TMEM79: variants seen among roughly 807,000 people sequenced by gnomAD.
TMEM79 encodes transmembrane protein 79, also known as mattrin.
Under a neutral mutation model 31.2 loss-of-function variants are expected in TMEM79, and 30 were observed. The ratio of observed to expected loss-of-function variants is 0.96; its 90% CI spans 0.72 to 1.30. The LOEUF (loss-of-function observed/expected upper bound fraction) is 1.30. Among genes scored for constraint, TMEM79 ranks in the 50% most tolerant of loss-of-function variants. The pLI, the probability that TMEM79 is intolerant of heterozygous loss-of-function variation, is 0.00. For missense variants in TMEM79, 509 were observed against 528.2 expected, an observed-to-expected ratio of 0.96 and a Z score of 0.36; for synonymous variants, 213 against 229.5, an observed-to-expected ratio of 0.93 and a Z score of 0.65.
At position 156,285,109 on chromosome 1, in the gene TMEM79, G is replaced by A. The variant is rs956441282; in HGVS notation, c.-43-75G>A. The A allele has an allele frequency of 7.5e-6, 10 of 1,330,060 alleles. No homozygotes were observed. The Admixed American group carries it at 2.0e-4, about 27-fold the overall frequency. The allele number at this position is 1,330,060 out of a possible 1,614,324, so 82.4% of individuals were successfully genotyped here. Reference sequence around the variant, plus strand: ...CCCATGAAGCCAGTTGCCCTGGAGAGTATGAGTTCTGTCAACCTGTCCTAA... The same window carrying A: ...CCCATGAAGCCAGTTGCCCTGGAGAATATGAGTTCTGTCAACCTGTCCTAA... On this transcript the variant is annotated intron_variant, in intron 1 of 3. Transcript: ENST00000405535.
chr1:156,288,226 G>A (rs1663222806), intron 3 of TMEM79, among the ~76,000 whole-genome samples: 1 of 151,080 alleles, frequency 6.6e-6, no homozygotes, highest in African/African-American at 2.4e-5. Flanking sequence ...ATCCTTAGGG[G>A]TATTTTCACA....
intron 1 of TMEM79, 70 bp from the exon 2 acceptor site, chr1:156,285,114 A>G: frequency 7.4e-7 from 1 of 1,360,508 alleles, no homozygotes; most frequent in Non-Finnish European, 9.8e-7. Context: ...GGAGAGTATG[A>G]GTTCTGTCAA....
At chr1:156,287,767 C>T (rs892705601) in intron 3 of TMEM79, among the ~76,000 whole-genome samples, 4 of 152,024 alleles carry the variant, frequency 2.6e-5, no homozygotes, top group African/African-American at 9.7e-5. Context: ...CAGGCGCCCA[C>T]CACCAGGCCC....
Position 156,288,508 on chromosome 1 carries a change from T to A in TMEM79, c.971+2035T>A, listed in dbSNP as rs188342011. On this transcript the variant is annotated intron_variant, in intron 3 of 3. Coordinates refer to ENST00000405535, the MANE Select transcript of TMEM79 (RefSeq NM_032323.3). ...AGCCACCATGCCCAGCTAATTTTTT[T>A]TGTATTTTTAGTAGAGACAGGGTTT... Among the ~76,000 whole-genome samples the A allele has an allele frequency of 1.0e-3, 158 of 152,132 alleles. 1 individual carries two copies. The highest frequency in any genetic ancestry group is 3.7e-3 in the African/African-American group (155 of 41,498).
chr1:156,291,010 C>G lies in TMEM79; in HGVS notation c.972-375C>G, dbSNP rs955118111. On this transcript the variant is annotated intron_variant, in intron 3 of 3. Transcript: ENST00000405535. ...GTTTGTACAGCCAGGTGTGGTGGCC[C>G]GCATCTGTAATCCCAGCTACTCAGG... 4 of 227,400 alleles carry G rather than the reference C, an allele frequency of 1.8e-5. No homozygotes were observed. The East Asian group carries it at 4.0e-4, about 23-fold the overall frequency. 14.1% of individuals were successfully genotyped at this position (227,400 alleles called of 1,614,324 possible). A position where few individuals can be genotyped will look rare whatever the true frequency, so the allele number is the denominator to read the frequency against.
chr1:156,288,340 C>CTTT (rs964633218), intron 3 of TMEM79, among the ~76,000 whole-genome samples: 1 of 133,150 alleles, frequency 7.5e-6, no homozygotes. Flanking sequence ...CTTTTTTTTT[C>CTTT]TTTTTTTTTT....
At chr1:156,287,606 CTTTTTTTTTTT>C (rs745468403) in intron 3 of TMEM79, among the ~76,000 whole-genome samples, 18 of 72,640 alleles carry the variant, frequency 2.5e-4, no homozygotes, top group South Asian at 6.3e-4. Context: ...TTACTCTCCA[CTTTTTTTTTTT>C]TTTTTTTTTT....
At chr1:156,283,742 G>C (rs1171618305), upstream of TMEM79, among the ~76,000 whole-genome samples, 1 of 152,162 alleles carries the variant, frequency 6.6e-6, no homozygotes, top group Non-Finnish European at 1.5e-5. Flanking sequence ...TCCTGAAACA[G>C]CCTAAGTCTT....
chr1:156,283,300 CA>C (rs1471079057), upstream of TMEM79, among the ~76,000 whole-genome samples: 3 of 152,222 alleles, frequency 2.0e-5, no homozygotes, highest in Admixed American at 2.0e-4. Flanking sequence ...ATGACTTGTA[CA>C]AGCGTCTCGG....
chr1:156,283,300 C>T (rs1663053051), upstream of TMEM79, among the ~76,000 whole-genome samples: 1 of 152,222 alleles, frequency 6.6e-6, no homozygotes, highest in Admixed American at 6.5e-5. Flanking sequence ...ATGACTTGTA[C>T]AAGCGTCTCG....
At chr1:156,288,192 C>T (rs1304692601) in intron 3 of TMEM79, among the ~76,000 whole-genome samples, 9 of 140,940 alleles carry the variant, frequency 6.4e-5, no homozygotes, top group Non-Finnish European at 1.2e-4. Flanking sequence ...AGTGAGACTC[C>T]GTCTCAAAAA....
rs1353921363 is a variant in TMEM79 at position 156,285,533 on chromosome 1, G to C, written c.307G>C (p.Glu103Gln). Residue 103 changes from glutamate (E) to glutamine (Q), a missense_variant, in exon 2 of 4, where the codon GAG (glutamate) becomes CAG (glutamine). Coordinates refer to ENST00000405535, the MANE Select transcript of TMEM79 (RefSeq NM_032323.3). ...GCGGGACATTGAACCAGAGCCCCCT[G>C]AGTCAGAACCACTTACCAAGCTAGA... ...GWRDIEPEPP[E>Q]SEPLTKLEEL... The C allele has an allele frequency of 6.2e-6, 10 of 1,614,078 alleles. No individual in the cohort carries two copies. The Admixed American group carries it at 1.7e-4, about 27-fold the overall frequency.
In TMEM79 at chr1:156,291,635, G is replaced by T. The variant is rs1160644379; in HGVS notation, c.*37G>T. ...CTCGCCCTCGGAGTAGGGGGTAGCGGCTTGGGTCTGACACATCTTTGAACC... is the reference window on the plus strand; with the variant it reads ...CTCGCCCTCGGAGTAGGGGGTAGCGTCTTGGGTCTGACACATCTTTGAACC... On this transcript the variant is annotated 3_prime_UTR_variant, in exon 4 of 4. Coordinates refer to ENST00000405535, the MANE Select transcript of TMEM79 (RefSeq NM_032323.3). The T allele has an allele frequency of 1.9e-6, 3 of 1,592,406 alleles. No homozygotes were observed. The highest frequency in any genetic ancestry group is 2.7e-5 in the African/African-American group (2 of 74,618).
intron 3 of TMEM79, 81 bp from the exon 4 acceptor site, chr1:156,291,304 A>G: frequency 7.6e-7 from 1 of 1,322,896 alleles, no homozygotes; most frequent in Non-Finnish European, 1.1e-6. Context: ...TCCCCTATCT[A>G]CTCCCCCCAC....
chr1:156,290,620 C>T (rs1307880052), intron 3 of TMEM79: 1 of 151,528 alleles, frequency 6.6e-6, no homozygotes, highest in Non-Finnish European at 1.5e-5. Context: ...GGCGGATCAT[C>T]AGGTCAGGAG....
At chr1:156,284,206 CT>C (rs1663079800), upstream of TMEM79, 2 of 152,018 alleles carry the variant, frequency 1.3e-5, no homozygotes, top group Non-Finnish European at 1.5e-5. Flanking sequence ...TCCTCTGATG[CT>C]TTTTTTTGTC....
chr1:156,285,992 G>A lies in TMEM79; in HGVS notation c.757+9G>A. On this transcript the variant is annotated intron_variant, in intron 2 of 3. Transcript: ENST00000405535. The stretch of plus-strand genomic sequence containing the variant: ...CTTCCCCATTGTGCTGGGTGAGCCT[G>A]TGAGAAGAAAGGGGGCATCGGGAAG... 1 of 1,592,636 alleles carries A rather than the reference G, an allele frequency of 6.3e-7. No individual in the cohort carries two copies. The highest frequency in any genetic ancestry group is 8.6e-7 in the Non-Finnish European group (1 of 1,169,260).
At chr1:156,286,221 GC>G (rs747173885) in intron 2 of TMEM79, 38 bp from the exon 3 acceptor site, 11 of 1,593,700 alleles carry the variant, frequency 6.9e-6, no homozygotes, top group Non-Finnish European at 9.5e-6. Flanking sequence ...CCCTTCCCCT[GC>G]CTTTTCTGAC....
chr1:156,286,024 T>TGA (rs1336736380), intron 2 of TMEM79, 41 bp downstream of exon 2: 2 of 1,571,778 alleles, frequency 1.3e-6, no homozygotes, highest in African/African-American at 2.7e-5. Flanking sequence ...GAAGTGGACT[T>TGA]GAGGAGGGCA....
Sources: allele counts gnomAD v4.1 joint callset (sites outside exome capture counted in the v4.1 genomes callset), GRCh38; gene constraint gnomAD v4.1.1; transcripts MANE v1.5; gene names NCBI Gene and HGNC (gene_info 2026-07-23, HGNC 2026-07-21).